The following SMIM17 variants were observed in gnomAD, a reference collection of about 807,000 sequenced individuals.
The protein encoded by SMIM17 is small integral membrane protein 17.
Under a neutral mutation model 12.2 loss-of-function variants are expected in SMIM17, and 10 were observed. The observed-to-expected ratio is 0.82, with a 90% CI of 0.50 to 1.39. SMIM17 has a LOEUF of 1.39. Ranked by LOEUF, SMIM17 falls within the 40% of genes most tolerant of loss-of-function variation. The pLI, the probability that SMIM17 is intolerant of heterozygous loss-of-function variation, is 0.00. For missense variants in SMIM17, 136 were observed against 118.2 expected, an observed-to-expected ratio of 1.15 and a Z score of -0.70; for synonymous variants, 50 against 44.1, an observed-to-expected ratio of 1.13 and a Z score of -0.53.
chr19:56,651,400 G>A (rs781443268), intron 3 of SMIM17, among the ~76,000 whole-genome samples: 56 of 152,248 alleles, frequency 3.7e-4, no homozygotes, highest in Non-Finnish European at 6.6e-4. Context: ...CTGTGGAGAG[G>A]AGTGAGTGAA....
rs1009507972 is a variant in SMIM17, at chr19:56,655,413, T to A, written c.*200T>A. ...TTATTTCCATGAAATGAAGACATCA[T>A]TGATTGTAAAACATTATTTTGTATA... is the stretch of plus-strand genomic sequence containing the variant. On this transcript the variant is annotated 3_prime_UTR_variant, in exon 4 of 4. Transcript: ENST00000598409. 8.5e-6 allele frequency: 4 copies of A among 469,552 alleles called. No individual in the cohort carries two copies. The highest frequency in any genetic ancestry group is 7.9e-5 in the African/African-American group (4 of 50,910). 29.1% of individuals were successfully genotyped at this position (469,552 alleles called of 1,614,324 possible).
chr19:56,654,653 A>C (rs2045135206), intron 3 of SMIM17, among the ~76,000 whole-genome samples: 1 of 152,062 alleles, frequency 6.6e-6, no homozygotes, highest in African/African-American at 2.4e-5. Context: ...GGAAAACTGC[A>C]TGAGGAGCTT....
intron 3 of SMIM17, among the ~76,000 whole-genome samples, chr19:56,654,157 C>T (rs2045130541): frequency 6.6e-6 from 1 of 152,198 alleles, no homozygotes; most frequent in South Asian, 2.1e-4. Context: ...AAGGTTTGCC[C>T]TCTTGGTGCT....
chr19:56,654,515 G>T (rs1213558380), intron 3 of SMIM17, among the ~76,000 whole-genome samples: 1 of 152,212 alleles, frequency 6.6e-6, no homozygotes. Context: ...AAGGGAAATG[G>T]TCAGATTCTG....
At position 56,655,954 on chromosome 19, in the gene SMIM17, GTT is replaced by G. The variant is rs577062963; in HGVS notation, c.*755_*756del. ...ATTTTGGCGAATTACAGAGGTTTTT[GTT>G]TTTTTTTTTTTTTGAGACCGAGTCT... On this transcript the variant is annotated 3_prime_UTR_variant, in exon 4 of 4. Coordinates refer to ENST00000598409, the MANE Select transcript of SMIM17 (RefSeq NM_001193628.2). Among the ~76,000 whole-genome samples the G allele has an allele frequency of 6.0e-5, 8 of 133,124 alleles. No homozygotes were observed. Among genetic ancestry groups the G allele is most frequent in the Non-Finnish European group, 1.1e-4 (7 of 63,390 alleles). The allele number at this position is 133,124 out of a possible 152,430, so 87.3% of individuals were successfully genotyped here.
chr19:56,646,539 C>G (rs998367518), intron 2 of SMIM17, among the ~76,000 whole-genome samples: 2 of 152,072 alleles, frequency 1.3e-5, no homozygotes, highest in Non-Finnish European at 2.9e-5. Flanking sequence ...GACCCTCCCC[C>G]CACAGAAAGA....
Position 56,645,569 on chromosome 19 carries a change from C to A in SMIM17, c.-99C>A. The A allele has an allele frequency of 8.7e-7, 1 of 1,153,816 alleles. No individual in the cohort carries two copies. Among genetic ancestry groups the A allele is most frequent in the Non-Finnish European group, 1.2e-6 (1 of 853,226 alleles). The allele number at this position is 1,153,816 out of a possible 1,614,324, so 71.5% of individuals were successfully genotyped here. On this transcript the variant is annotated splice_region_variant and 5_prime_UTR_variant, in exon 2 of 4. Coordinates refer to ENST00000598409, the MANE Select transcript of SMIM17 (RefSeq NM_001193628.2). ...ACTGAATGATGAAATGTCCATCAGT[C>A]CTCAGGTTCTGAATCTTGTGCCTGG...
chr19:56,645,704 C>T lies in SMIM17; in HGVS notation c.37C>T (p.Leu13=). 1 of 1,535,132 alleles carries T rather than the reference C, an allele frequency of 6.5e-7. No homozygotes were observed. The highest frequency in any genetic ancestry group is 1.4e-5 in the African/African-American group (1 of 73,130). ...SLRPEQTRGL[L]EPERTKTLLP... is the part of the protein sequence containing the mutation. ...CAGGCCTGAGCAGACACGGGGGCTG[C>T]TGGAGCCTGAGAGGACCAAGACTCT... Residue 13 remains leucine (L), a synonymous_variant, in exon 2 of 4, where the codon CTG becomes TTG. Coordinates refer to ENST00000598409, the MANE Select transcript of SMIM17 (RefSeq NM_001193628.2).
In SMIM17 at chr19:56,656,240, A is replaced by G. The variant is rs777669292; in HGVS notation, c.*1027A>G. 1.2e-4 allele frequency among the ~76,000 whole-genome samples: 19 copies of G among 152,096 alleles called. No individual in the cohort carries two copies. Among genetic ancestry groups the G allele is most frequent in the African/African-American group, 4.1e-4 (17 of 41,438 alleles). ...ATTACAGATGTGAGCCACCGTGCCC[A>G]GCCCAGAGTTCTTTTATCCTCTAGA... is the stretch of plus-strand genomic sequence containing the variant. On this transcript the variant is annotated 3_prime_UTR_variant, in exon 4 of 4. Coordinates refer to ENST00000598409, the MANE Select transcript of SMIM17 (RefSeq NM_001193628.2).
At chr19:56,648,374 A>ATTTC (rs943012850) in intron 3 of SMIM17, among the ~76,000 whole-genome samples, 1 of 57,414 alleles carries the variant, frequency 1.7e-5, no homozygotes, top group Non-Finnish European at 3.6e-5. Context: ...CCATATACCC[A>ATTTC]TTCCATCCAT....
At chr19:56,647,503 G>A in intron 2 of SMIM17, 55 bp from the exon 3 acceptor site, 2 of 1,347,502 alleles carry the variant, frequency 1.5e-6, no homozygotes, top group Non-Finnish European at 2.0e-6. Flanking sequence ...GCCCACTCCT[G>A]CCATCTGGCC....
chr19:56,646,876 G>C (rs568178658), intron 2 of SMIM17, among the ~76,000 whole-genome samples: 2 of 152,310 alleles, frequency 1.3e-5, no homozygotes, highest in African/African-American at 4.8e-5. Flanking sequence ...GAAAGGGGCT[G>C]AACCTTATAC....
rs924886847 is a variant in SMIM17 at position 56,657,041 on chromosome 19, C to A, written c.*1828C>A. 1.3e-5 allele frequency among the ~76,000 whole-genome samples: 2 copies of A among 151,852 alleles called. No individual in the cohort carries two copies. The highest frequency in any genetic ancestry group is 2.9e-5 in the Non-Finnish European group (2 of 68,030). On this transcript the variant is annotated 3_prime_UTR_variant, in exon 4 of 4. Coordinates refer to ENST00000598409, the MANE Select transcript of SMIM17 (RefSeq NM_001193628.2). ...TTGGCCTATTATATTCATTAAAAAC[C>A]AATAAGGTTATGTGAAACTTTGTTA...
intron 3 of SMIM17, among the ~76,000 whole-genome samples, chr19:56,648,993 C>T (rs1005224895): frequency 2.0e-5 from 3 of 152,066 alleles, no homozygotes; most frequent in Non-Finnish European, 2.9e-5. Flanking sequence ...GCTCGTGGTG[C>T]AGGGATGAGG....
rs367904860 is a variant in SMIM17, at chr19:56,655,159, C to T, written c.303C>T (p.Cys101=). The T allele has an allele frequency of 1.9e-5, 13 of 702,494 alleles. No individual in the cohort carries two copies. Among genetic ancestry groups the T allele is most frequent in the Middle Eastern group, 2.3e-4 (1 of 4,370 alleles). The allele number at this position is 702,494 out of a possible 1,614,324, so 43.5% of individuals were successfully genotyped here. A position where few individuals can be genotyped will look rare whatever the true frequency, so the allele number is the denominator to read the frequency against. Residue 101 remains cysteine (C), a synonymous_variant, in exon 4 of 4, where the codon TGC becomes TGT. Transcript: ENST00000598409. ...PQQTTIVLVV[C]VLFLFLVLTG... is the part of the protein sequence containing the mutation. Reference sequence around the variant, plus strand: ...AAACAACCATAGTCTTGGTAGTGTGCGTGCTTTTTTTGTTCCTGGTTTTAA... The same window carrying T: ...AAACAACCATAGTCTTGGTAGTGTGTGTGCTTTTTTTGTTCCTGGTTTTAA...
rs183313271 is a variant in SMIM17 at position 56,656,945 on chromosome 19, A to G, written c.*1732A>G. The stretch of plus-strand genomic sequence containing the variant: ...GATATCTTCTCTGTCTGTAGAACTG[A>G]AAACTTTATGTGCCTGTTAGTTAAC... On this transcript the variant is annotated 3_prime_UTR_variant, in exon 4 of 4. Coordinates refer to ENST00000598409, the MANE Select transcript of SMIM17 (RefSeq NM_001193628.2). Among the ~76,000 whole-genome samples the G allele has an allele frequency of 2.1e-3, 327 of 152,340 alleles. No homozygotes were observed. Among genetic ancestry groups the G allele is most frequent in the African/African-American group, 7.1e-3 (297 of 41,582 alleles).
At chr19:56,653,586 A>G (rs1469302884) in intron 3 of SMIM17, among the ~76,000 whole-genome samples, 2 of 152,186 alleles carry the variant, frequency 1.3e-5, no homozygotes, top group East Asian at 3.9e-4. Flanking sequence ...GGAACTTTAT[A>G]AAAATTCACA....
intron 2 of SMIM17, among the ~76,000 whole-genome samples, chr19:56,646,374 A>G (rs117673658): frequency 4.5e-4 from 68 of 152,338 alleles, no homozygotes; most frequent in Non-Finnish European, 8.2e-4. Context: ...GTGGATTTCA[A>G]CTGGGCGTGG....
intron 3 of SMIM17, among the ~76,000 whole-genome samples, chr19:56,648,224 C>T (rs1245612407): frequency 6.7e-6 from 1 of 149,672 alleles, no homozygotes; most frequent in Non-Finnish European, 1.5e-5. Context: ...TCCACTTTTC[C>T]ATCCACCCAT....
Sources: gnomAD v4.1 joint callset for allele counts (sites outside exome capture counted in the v4.1 genomes callset) on GRCh38, gnomAD v4.1.1 for gene constraint, MANE v1.5 for transcripts, NCBI Gene and HGNC (gene_info 2026-07-23, HGNC 2026-07-21) for gene names.